The following CALN1 variants were observed in gnomAD, a reference collection of about 807,000 sequenced individuals.
The protein encoded by CALN1 is calneuron 1.
In CALN1, 17 loss-of-function variants were observed where a neutral mutation model predicts 30.6. That is an observed-to-expected ratio of 0.56 (90% CI 0.38 to 0.83). CALN1 has a LOEUF of 0.83. Among genes scored for constraint, CALN1 ranks in the 40% least tolerant of loss-of-function variants. The pLI, the probability that CALN1 is intolerant of heterozygous loss-of-function variation, is 0.00. For missense variants in CALN1, 291 were observed against 354.9 expected (o/e 0.82, Z 1.45); for synonymous variants, 156 against 131.4 (o/e 1.19, Z -1.28).
intron 3 of CALN1, among the ~76,000 whole-genome samples, chr7:72,147,606 C>T (rs901671582): frequency 1.3e-5 from 2 of 151,806 alleles, no homozygotes; most frequent in African/African-American, 4.8e-5. Flanking sequence ...GGGTATATAC[C>T]CAAAGGATTA....
chr7:72,484,684 C>A, the CALN1 span, among the ~76,000 whole-genome samples: 1 of 152,162 alleles, frequency 6.6e-6, no homozygotes, highest in African/African-American at 2.4e-5. Flanking sequence ...TTCATCTCCC[C>A]AGAATGTCAG....
intron 2 of CALN1, among the ~76,000 whole-genome samples, chr7:72,340,777 T>C (rs117893617): frequency 0.013 from 2,043 of 152,308 alleles, 25 homozygotes; most frequent in Non-Finnish European, 0.018. Context: ...TGGGAGATAA[T>C]TGAACCATGG....
chr7:72,336,589 A>G, intron 2 of CALN1: 2 of 666,106 alleles, frequency 3.0e-6, no homozygotes, highest in Middle Eastern at 7.7e-4. Context: ...CACTCTGAGC[A>G]CCAGGGCCCG....
At chr7:71,877,466 T>G (rs1208473619) in intron 5 of CALN1, among the ~76,000 whole-genome samples, 1 of 152,160 alleles carries the variant, frequency 6.6e-6, no homozygotes, top group Non-Finnish European at 1.5e-5. Context: ...TAAGATAATT[T>G]AATAAAGTGG....
At chr7:72,148,893 G>C (rs932276534) in intron 3 of CALN1, among the ~76,000 whole-genome samples, 1 of 131,168 alleles carries the variant, frequency 7.6e-6, no homozygotes, top group Non-Finnish European at 1.6e-5. Context: ...GACAGAGTAA[G>C]ACACCACCAA....
chr7:72,291,103 C>T (rs1286643523), intron 2 of CALN1, among the ~76,000 whole-genome samples: 1 of 151,688 alleles, frequency 6.6e-6, no homozygotes. Flanking sequence ...TTTGTATTTT[C>T]AGTAGAGACA....
chr7:72,085,826 G>T (rs765377178), intron 4 of CALN1, among the ~76,000 whole-genome samples: 1 of 152,148 alleles, frequency 6.6e-6, no homozygotes, highest in Non-Finnish European at 1.5e-5. Context: ...ATGAAAAAGA[G>T]GCTGAAGAAA....
At position 71,882,058 on chromosome 7, in the gene CALN1, C is replaced by A. The variant is rs1792603151; in HGVS notation, c.502-71566G>T. Among the ~76,000 whole-genome samples, 5 of 151,958 alleles carry A rather than the reference C, an allele frequency of 3.3e-5. No homozygotes were observed. The South Asian group carries it at 1.0e-3, about 32-fold the overall frequency. ...TGGACTCCAGCCTGACAGAGTCAGA[C>A]CCTGTCTCTTAAAAAAAAAATTGGA... is the stretch of plus-strand genomic sequence containing the variant. On this transcript the variant is annotated intron_variant, in intron 5 of 6. Transcript: ENST00000395275.
chr7:72,100,146 AT>A (rs1233927230), intron 4 of CALN1, among the ~76,000 whole-genome samples: 2 of 121,938 alleles, frequency 1.6e-5, no homozygotes, highest in Non-Finnish European at 3.3e-5. Context: ...CTTTTTTTTA[AT>A]TTTTTTGAGT....
chr7:72,435,540 T>A (rs1030125867), intron 1 of CALN1, among the ~76,000 whole-genome samples: 1 of 152,116 alleles, frequency 6.6e-6, no homozygotes, highest in Non-Finnish European at 1.5e-5. Context: ...GGGACCACAA[T>A]TGCAGCCCCG....
chr7:72,402,423 G>A (rs1156610870), intron 2 of CALN1, among the ~76,000 whole-genome samples: 1 of 152,036 alleles, frequency 6.6e-6, no homozygotes, highest in Admixed American at 6.6e-5. Flanking sequence ...ACTTACAGTC[G>A]CCACTGGAAG....
chr7:72,216,498 A>G (rs1047287087), intron 3 of CALN1, among the ~76,000 whole-genome samples: 2 of 152,082 alleles, frequency 1.3e-5, no homozygotes, highest in African/African-American at 4.8e-5. Flanking sequence ...AGAAGCCATA[A>G]TTCTGTGTAT....
At chr7:71,836,825 C>T (rs1237500139) in intron 5 of CALN1, among the ~76,000 whole-genome samples, 14 of 151,602 alleles carry the variant, frequency 9.2e-5, no homozygotes. Flanking sequence ...ACTATGTTGG[C>T]CAGGTCGGTC....
At chr7:71,895,098 G>A (rs1364348719) in intron 5 of CALN1, among the ~76,000 whole-genome samples, 4 of 152,044 alleles carry the variant, frequency 2.6e-5, no homozygotes, top group East Asian at 1.9e-4. Flanking sequence ...GAGACCACAA[G>A]GGTACATCAC....
rs80130267 is a variant in CALN1 at position 72,400,059 on chromosome 7, T to C, written c.119+3192A>G. 2.2e-3 allele frequency among the ~76,000 whole-genome samples: 338 copies of C among 152,318 alleles called. 2 individuals carry two copies. The highest frequency in any genetic ancestry group is 7.7e-3 in the African/African-American group (322 of 41,562). ...TAGGCCATCCCCTTCTTGTACAGTC[T>C]GCAGAACCATGAGCCAAATAAACCT... On this transcript the variant is annotated intron_variant, in intron 2 of 6. Coordinates refer to ENST00000395275, the MANE Select transcript of CALN1 (RefSeq NM_031468.4).
At chr7:71,965,115 C>A (rs1331351432) in intron 5 of CALN1, among the ~76,000 whole-genome samples, 1 of 152,168 alleles carries the variant, frequency 6.6e-6, no homozygotes, top group Non-Finnish European at 1.5e-5. Context: ...GCAGCCTCTA[C>A]CTCTTGTGTT....
chr7:72,407,854 T>C (rs1160863397), intron 1 of CALN1, among the ~76,000 whole-genome samples: 1 of 152,116 alleles, frequency 6.6e-6, no homozygotes, highest in African/African-American at 2.4e-5. Context: ...ACCACAGATG[T>C]AGCCTCACGG....
chr7:71,985,326 G>A (rs968319551), intron 5 of CALN1, among the ~76,000 whole-genome samples: 1 of 152,136 alleles, frequency 6.6e-6, no homozygotes, highest in Non-Finnish European at 1.5e-5. Flanking sequence ...ATGAGATTGT[G>A]CATTGAAACA....
chr7:72,360,041 A>G (rs765516534), intron 2 of CALN1, among the ~76,000 whole-genome samples: 11 of 151,504 alleles, frequency 7.3e-5, no homozygotes, highest in Non-Finnish European at 1.3e-4. Context: ...AAAATACATA[A>G]AAAGAAGCTA....
Sources: allele counts gnomAD v4.1 joint callset (sites outside exome capture counted in the v4.1 genomes callset), GRCh38; gene constraint gnomAD v4.1.1; transcripts MANE v1.5; gene names NCBI Gene and HGNC (gene_info 2026-07-23, HGNC 2026-07-21).